The following TNFAIP8L2 variants were observed in gnomAD, a reference collection of about 807,000 sequenced individuals.
The protein encoded by TNFAIP8L2 is tumor necrosis factor alpha-induced protein 8-like protein 2.
In TNFAIP8L2, 2 loss-of-function variants were observed where a neutral mutation model predicts 5.6. The ratio of observed to expected loss-of-function variants is 0.36; its 90% confidence interval spans 0.15 to 1.13. TNFAIP8L2 has a LOEUF of 1.13. Among genes scored for constraint, TNFAIP8L2 ranks in the 50% most tolerant of loss-of-function variants. The probability of loss-of-function intolerance (pLI) is 0.40; values close to 1 mark genes in which losing one functional copy is unlikely to be tolerated. For synonymous variants in TNFAIP8L2, 91 were observed against 101.1 expected, an observed-to-expected ratio of 0.90 and a Z score of 0.60; for missense variants, 216 against 241.8, an observed-to-expected ratio of 0.89 and a Z score of 0.71.
At position 151,159,302 on chromosome 1, in the gene TNFAIP8L2, AAC is replaced by A. The variant is rs754980058; in HGVS notation, c.*54_*55del. 6.5e-7 allele frequency: 1 copy of A among 1,549,180 alleles called. No individual in the cohort carries two copies. The highest frequency in any genetic ancestry group is 1.2e-5 in the South Asian group (1 of 83,374). ...CCTTGACAAAATGGTTGACTGAGAA[AAC>A]ACAGATAATGGGCTTCCTAACCCTG... is the stretch of plus-strand genomic sequence containing the variant. On this transcript the variant is annotated 3_prime_UTR_variant, in exon 2 of 2. Coordinates refer to ENST00000368910, the MANE Select transcript of TNFAIP8L2 (RefSeq NM_024575.5).
rs76172995 is a variant in TNFAIP8L2, at chr1:151,159,060, C to T, written c.363C>T (p.Thr121=). The change falls in exon 2 of 2, where the codon ACC becomes ACT. Residue 121 remains threonine, a synonymous_variant. Coordinates refer to ENST00000368910, the MANE Select transcript of TNFAIP8L2 (RefSeq NM_024575.5). The part of the protein sequence containing the change: ...FEAAVLAGLL[T]ECRDVLLELV... ...CTGCTGTTCTGGCTGGCCTGCTGAC[C>T]GAGTGCCGGGATGTGCTGCTAGAGT... is the stretch of plus-strand genomic sequence containing the variant. The T allele has an allele frequency of 1.7e-5, 27 of 1,614,036 alleles. No individual in the cohort carries two copies. The East Asian group carries it at 4.5e-4, about 27-fold the overall frequency.
intron 1 of TNFAIP8L2, among the ~76,000 whole-genome samples, chr1:151,158,062 C>G (rs1558198394): frequency 6.6e-6 from 1 of 152,040 alleles, no homozygotes; most frequent in African/African-American, 2.4e-5. Flanking sequence ...TGGTGGCTCA[C>G]GCCTGTATTC....
chr1:151,157,309 C>T (rs1280937976), intron 1 of TNFAIP8L2, among the ~76,000 whole-genome samples: 2 of 152,222 alleles, frequency 1.3e-5, no homozygotes, highest in Non-Finnish European at 2.9e-5. Context: ...TCTCCACCTC[C>T]TCTGCCTCTT....
intron 1 of TNFAIP8L2, among the ~76,000 whole-genome samples, chr1:151,156,982 G>A (rs1226930390): frequency 6.6e-6 from 1 of 152,212 alleles, no homozygotes; most frequent in South Asian, 2.1e-4. Context: ...GGAAATCTTA[G>A]GAAACAAGGA....
At chr1:151,157,246 C>T (rs937875095) in intron 1 of TNFAIP8L2, among the ~76,000 whole-genome samples, 1 of 152,186 alleles carries the variant, frequency 6.6e-6, no homozygotes, top group African/African-American at 2.4e-5. Flanking sequence ...GGGAGCAAAG[C>T]AAGGTTCAGG....
chr1:151,158,590 A>T (rs1490555932), intron 1 of TNFAIP8L2, 76 bp from the exon 2 acceptor site: 4 of 1,099,764 alleles, frequency 3.6e-6, no homozygotes, highest in Non-Finnish European at 5.2e-6. Context: ...TGATGATGAC[A>T]TGGAAACTAA....
Position 151,159,260 on chromosome 1 carries a change from G to A in TNFAIP8L2, c.*8G>A, listed in dbSNP as rs768762828. The A allele has an allele frequency of 2.1e-5, 33 of 1,607,604 alleles. No homozygotes were observed. The highest frequency in any genetic ancestry group is 2.7e-5 in the African/African-American group (2 of 74,784). The stretch of plus-strand genomic sequence containing the variant: ...GACGAAGGGAAGCTCTGAGAGCCCT[G>A]AGCCTAGCACATTCCACCTTGACAA... On this transcript the variant is annotated 3_prime_UTR_variant, in exon 2 of 2. Transcript: ENST00000368910.
intron 1 of TNFAIP8L2, 105 bp downstream of exon 1, chr1:151,156,827 G>A (rs1362241912): frequency 6.6e-6 from 1 of 152,204 alleles, no homozygotes; most frequent in Non-Finnish European, 1.5e-5. Context: ...ACTCTCGCTT[G>A]TACAATTCTT....
In TNFAIP8L2 at chr1:151,159,464, C is replaced by T; in HGVS notation, c.*212C>T. On this transcript the variant is annotated 3_prime_UTR_variant, in exon 2 of 2. Coordinates refer to ENST00000368910, the MANE Select transcript of TNFAIP8L2 (RefSeq NM_024575.5). The stretch of plus-strand genomic sequence containing the variant: ...TGAGGGGTGAGGCCTCTCTCCCACT[C>T]CAGCCCCAGGACAGGAAACAGAACT... 1 of 558,012 alleles carries T rather than the reference C, an allele frequency of 1.8e-6. No individual in the cohort carries two copies. The highest frequency in any genetic ancestry group is 2.3e-5 in the South Asian group (1 of 44,078). 34.6% of individuals were successfully genotyped at this position (558,012 alleles called of 1,614,324 possible). A position where few individuals can be genotyped will look rare whatever the true frequency, so the allele number is the denominator to read the frequency against.
intron 1 of TNFAIP8L2, among the ~76,000 whole-genome samples, chr1:151,157,863 A>G (rs1018012598): frequency 2.2e-4 from 34 of 152,246 alleles, no homozygotes; most frequent in African/African-American, 7.2e-4. Flanking sequence ...TAAAGGAAGT[A>G]TAGTGCACTA....
chr1:151,158,822 T>C lies in TNFAIP8L2; in HGVS notation c.125T>C (p.Leu42Pro), dbSNP rs750526286. ...DETSSEVLDE[L>P]YRVSKEYTHS... is the part of the protein sequence containing the mutation. ...ACAAGCAGTGAGGTGCTAGATGAGC[T>C]CTACCGTGTGTCCAAGGAGTACACG... The change falls in exon 2 of 2, where the codon CTC (leucine) becomes CCC (proline). Residue 42 changes from leucine (L) to proline (P), a missense_variant. Coordinates refer to ENST00000368910, the MANE Select transcript of TNFAIP8L2 (RefSeq NM_024575.5). 1.8e-5 allele frequency: 29 copies of C among 1,613,938 alleles called. No homozygotes were observed. Among genetic ancestry groups the C allele is most frequent in the Non-Finnish European group, 2.0e-5 (24 of 1,180,014 alleles).
At position 151,159,405 on chromosome 1, in the gene TNFAIP8L2, C is replaced by T; in HGVS notation, c.*153C>T. The T allele has an allele frequency of 2.6e-6, 2 of 761,990 alleles. No individual in the cohort carries two copies. The highest frequency in any genetic ancestry group is 1.9e-5 in the South Asian group (1 of 53,168). 47.2% of individuals were successfully genotyped at this position (761,990 alleles called of 1,614,324 possible). A position where few individuals can be genotyped will look rare whatever the true frequency, so the allele number is the denominator to read the frequency against. On this transcript the variant is annotated 3_prime_UTR_variant, in exon 2 of 2. Coordinates refer to ENST00000368910, the MANE Select transcript of TNFAIP8L2 (RefSeq NM_024575.5). ...AGTGCTTTTGACTCTGAGACCAGCC[C>T]ACCCCCAAACAGCTAGTGGAGAAGG...
chr1:151,158,920 C>T lies in TNFAIP8L2; in HGVS notation c.223C>T (p.Arg75Cys), dbSNP rs759686603. 51 of 1,614,228 alleles carry T rather than the reference C, an allele frequency of 3.2e-5. No homozygotes were observed. The highest frequency in any genetic ancestry group is 3.9e-5 in the Non-Finnish European group (46 of 1,180,038). The change falls in exon 2 of 2, where the codon CGC (arginine) becomes TGC (cysteine). Residue 75 changes from arginine to cysteine, a missense_variant. Coordinates refer to ENST00000368910, the MANE Select transcript of TNFAIP8L2 (RefSeq NM_024575.5). ...GGCCATCAAGGTGGCTGTGCTGCAC[C>T]GCAATGGCTCCTTTGGCCCCAGTGA... ...KVAIKVAVLH[R>C]NGSFGPSELA...
At position 151,157,277 on chromosome 1, in the gene TNFAIP8L2, C is replaced by G. The variant is rs183549968; in HGVS notation, c.-33+555C>G. On this transcript the variant is annotated intron_variant, in intron 1 of 1. Transcript: ENST00000368910. ...TCAGGTTTCCACTGGAAGGATTCAGCTGGGGAAAAAAACCCCCACAGTCTC... is the reference window on the plus strand; with the variant it reads ...TCAGGTTTCCACTGGAAGGATTCAGGTGGGGAAAAAAACCCCCACAGTCTC... 2.4e-3 allele frequency among the ~76,000 whole-genome samples: 368 copies of G among 152,266 alleles called. 3 individuals carry two copies. The highest frequency in any genetic ancestry group is 8.4e-3 in the African/African-American group (348 of 41,560).
At chr1:151,158,626 A>G in intron 1 of TNFAIP8L2, 40 bp from the exon 2 acceptor site, 4 of 1,334,040 alleles carry the variant, frequency 3.0e-6, no homozygotes, top group Non-Finnish European at 4.1e-6. Context: ...GGGAAAAGCC[A>G]TTTCTCTCTT....
At chr1:151,157,102 C>T (rs587709630) in intron 1 of TNFAIP8L2, among the ~76,000 whole-genome samples, 69 of 152,066 alleles carry the variant, frequency 4.5e-4, no homozygotes, top group African/African-American at 1.6e-3. Flanking sequence ...GAGAAGACAG[C>T]GGAATAAATG....
rs974875925 is a variant in TNFAIP8L2, at chr1:151,159,356, C to T, written c.*104C>T. 8.4e-7 allele frequency: 1 copy of T among 1,195,472 alleles called. No individual in the cohort carries two copies. Among genetic ancestry groups the T allele is most frequent in the Non-Finnish European group, 1.2e-6 (1 of 861,054 alleles). The allele number at this position is 1,195,472 out of a possible 1,614,324, so 74.1% of individuals were successfully genotyped here. A position where few individuals can be genotyped will look rare whatever the true frequency, so the allele number is the denominator to read the frequency against. On this transcript the variant is annotated 3_prime_UTR_variant, in exon 2 of 2. Coordinates refer to ENST00000368910, the MANE Select transcript of TNFAIP8L2 (RefSeq NM_024575.5). ...TCACCTGGCACTAACACTTTTCAATCTTCAGGCTTCATTCCTTCCCAAGAG... is the reference window on the plus strand; with the variant it reads ...TCACCTGGCACTAACACTTTTCAATTTTCAGGCTTCATTCCTTCCCAAGAG...
chr1:151,159,432 G>T lies in TNFAIP8L2; in HGVS notation c.*180G>T, dbSNP rs1386921519. The T allele has an allele frequency of 3.1e-6, 2 of 644,234 alleles. No homozygotes were observed. The highest frequency in any genetic ancestry group is 5.4e-6 in the Non-Finnish European group (2 of 369,968). The allele number at this position is 644,234 out of a possible 1,614,324, so 39.9% of individuals were successfully genotyped here. A position where few individuals can be genotyped will look rare whatever the true frequency, so the allele number is the denominator to read the frequency against. Reference sequence around the variant, plus strand: ...CCCCCAAACAGCTAGTGGAGAAGGAGCAATGCTGAGGGGTGAGGCCTCTCT... The same window carrying T: ...CCCCCAAACAGCTAGTGGAGAAGGATCAATGCTGAGGGGTGAGGCCTCTCT... On this transcript the variant is annotated 3_prime_UTR_variant, in exon 2 of 2. Coordinates refer to ENST00000368910, the MANE Select transcript of TNFAIP8L2 (RefSeq NM_024575.5).
At position 151,159,133 on chromosome 1, in the gene TNFAIP8L2, G is replaced by A. The variant is rs182411769; in HGVS notation, c.436G>A (p.Val146Met). ...CAAGTCACATGGCCGCATCCGCCAC[G>A]TGTTTGATCACTTCTCTGACCCAGG... The part of the protein sequence containing the change: ...TPKSHGRIRH[V>M]FDHFSDPGLL... Residue 146 changes from valine (V) to methionine (M), a missense_variant, in exon 2 of 2, where the codon GTG (valine) becomes ATG (methionine). Val to Met is a conservative substitution (Grantham distance 21). Coordinates refer to ENST00000368910, the MANE Select transcript of TNFAIP8L2 (RefSeq NM_024575.5). The A allele has an allele frequency of 1.7e-5, 27 of 1,614,066 alleles. No homozygotes were observed. The highest frequency in any genetic ancestry group is 3.3e-5 in the Admixed American group (2 of 60,006).
Sources: gnomAD v4.1 joint callset for allele counts (sites outside exome capture counted in the v4.1 genomes callset) on GRCh38, gnomAD v4.1.1 for gene constraint, MANE v1.5 for transcripts, NCBI Gene and HGNC (gene_info 2026-07-23, HGNC 2026-07-21) for gene names.